C6: variants seen among roughly 807,000 people sequenced by gnomAD.
C6 encodes the protein complement C6, also known as complement component C6.
Under a neutral mutation model 112.9 loss-of-function variants are expected in C6, and 101 were observed. That is an observed-to-expected ratio of 0.89 (90% confidence interval 0.76 to 1.06). The LOEUF (loss-of-function observed/expected upper bound fraction) is 1.06, where lower values mean the gene tolerates loss of function less well. C6 is among the 50% of genes least tolerant of loss of function. The pLI, the probability that C6 is intolerant of heterozygous loss-of-function variation, is 0.00. For synonymous variants in C6, 431 were observed against 384.1 expected (o/e 1.12, Z -1.43); for missense variants, 1,202 against 1,104.6 (o/e 1.09, Z -1.25).
At position 41,155,083 on chromosome 5, in the gene C6, C is replaced by T. The variant is rs867226079; in HGVS notation, c.1990G>A (p.Val664Ile). ...CATGAAATTTCAACATCTTCTCCAA[C>T]CAAGTATAGTTGCTTTTCATTCTTA... is the stretch of plus-strand genomic sequence containing the variant. ...FIRNEKQLYL[V>I]GEDVEISCLT... is the part of the protein sequence containing the mutation. Residue 664 changes from valine (V) to isoleucine (I), a missense_variant, in exon 14 of 18, where the codon GTT becomes ATT. Transcript: ENST00000337836. 5.6e-6 allele frequency: 9 copies of T among 1,613,616 alleles called. No individual in the cohort carries two copies. The highest frequency in any genetic ancestry group is 7.6e-6 in the Non-Finnish European group (9 of 1,179,666).
chr5:41,179,814 A>G (rs1243641298), intron 7 of C6, among the ~76,000 whole-genome samples: 2 of 151,848 alleles, frequency 1.3e-5, no homozygotes, highest in East Asian at 3.9e-4. Context: ...GAATAAATAA[A>G]TGAATGAATA....
At chr5:41,217,160 A>G (rs1429400652), upstream of C6, among the ~76,000 whole-genome samples, 1 of 151,924 alleles carries the variant, frequency 6.6e-6, no homozygotes, top group Admixed American at 6.6e-5. Flanking sequence ...TCCTTCTTAA[A>G]TTTTTTCTAC....
At chr5:41,181,014 T>C (rs950362550) in intron 7 of C6, among the ~76,000 whole-genome samples, 2 of 151,912 alleles carry the variant, frequency 1.3e-5, no homozygotes, top group Non-Finnish European at 2.9e-5. Context: ...CAAATATGTA[T>C]ATAACATATA....
At chr5:41,196,783 G>T (rs1750652437) in intron 4 of C6, among the ~76,000 whole-genome samples, 2 of 152,018 alleles carry the variant, frequency 1.3e-5, no homozygotes, top group Admixed American at 6.6e-5. Flanking sequence ...AGCAAATTTA[G>T]AAAATGGTAC....
chr5:41,157,629 G>T (rs1747042978), intron 13 of C6, among the ~76,000 whole-genome samples: 1 of 152,130 alleles, frequency 6.6e-6, no homozygotes, highest in Non-Finnish European at 1.5e-5. Flanking sequence ...TCTTGTTCAA[G>T]AGAATTTGTT....
chr5:41,160,110 TATC>T, intron 11 of C6, 29 bp downstream of exon 11: 1 of 1,551,930 alleles, frequency 6.4e-7, no homozygotes, highest in Non-Finnish European at 8.9e-7. Context: ...GGGGAAAACT[TATC>T]TACCTCACAA....
intron 1 of C6, among the ~76,000 whole-genome samples, chr5:41,235,617 G>C (rs1478186482): frequency 1.5e-5 from 2 of 134,906 alleles, no homozygotes. Context: ...GGGTCAAATG[G>C]TATTTCTAGT....
At position 41,181,465 on chromosome 5, in the gene C6, T is replaced by C. The variant is rs199795699; in HGVS notation, c.821A>G (p.Gln274Arg). The C allele has an allele frequency of 6.6e-5, 107 of 1,612,820 alleles. No homozygotes were observed. The highest frequency in any genetic ancestry group is 6.6e-4 in the Middle Eastern group (4 of 6,056). Reference sequence around the variant, plus strand: ...TGGTACACTGAAAGAGCTCCCCCCCTGACTTGAGAATGAGCCTTGTTGATT... The same window carrying C: ...TGGTACACTGAAAGAGCTCCCCCCCCGACTTGAGAATGAGCCTTGTTGATT... Reference protein sequence around the residue: ...NENQQGSFSSQGGSSFSVPIF... With the variant: ...NENQQGSFSSRGGSSFSVPIF... Residue 274 changes from glutamine to arginine, a missense_variant, in exon 7 of 18, where the codon CAG becomes CGG. By Grantham distance (43) the Gln-to-Arg change is conservative. Transcript: ENST00000337836.
At chr5:41,168,485 C>T (rs950639304) in intron 9 of C6, among the ~76,000 whole-genome samples, 3 of 152,120 alleles carry the variant, frequency 2.0e-5, no homozygotes, top group Admixed American at 6.6e-5. Flanking sequence ...CCAGGGACAC[C>T]TTCTCTACTG....
intron 3 of C6, 24 bp from the exon 4 acceptor site, chr5:41,199,936 A>T (rs1750885570): frequency 1.2e-6 from 2 of 1,613,048 alleles, no homozygotes; most frequent in East Asian, 4.5e-5. Context: ...AGAGAAAGAT[A>T]TAACTCTGAG....
intron 13 of C6, 113 bp from the exon 14 acceptor site, chr5:41,155,217 A>C (rs1427830413): frequency 1.1e-6 from 1 of 951,996 alleles, no homozygotes; most frequent in African/African-American, 1.6e-5. Flanking sequence ...TCAGTCACCA[A>C]GTCCTCTCAA....
chr5:41,247,904 G>A (rs1011168589), intron 1 of C6, among the ~76,000 whole-genome samples: 1 of 151,892 alleles, frequency 6.6e-6, no homozygotes, highest in Non-Finnish European at 1.5e-5. Context: ...CAAAGCTGGA[G>A]GTATTATATT....
At chr5:41,254,965 G>C (rs1741593428) in intron 1 of C6, among the ~76,000 whole-genome samples, 2 of 152,202 alleles carry the variant, frequency 1.3e-5, no homozygotes, top group Admixed American at 1.3e-4. Flanking sequence ...TGAAGACCCA[G>C]AGTATAATGC....
chr5:41,165,112 C>A (rs1747867571), intron 9 of C6, among the ~76,000 whole-genome samples: 1 of 152,040 alleles, frequency 6.6e-6, no homozygotes, highest in African/African-American at 2.4e-5. Flanking sequence ...TGCCTGGTTT[C>A]TTTTGCTCAG....
At chr5:41,241,159 C>A (rs1740688524) in intron 1 of C6, among the ~76,000 whole-genome samples, 1 of 152,146 alleles carries the variant, frequency 6.6e-6, no homozygotes, top group Admixed American at 6.5e-5. Context: ...CCAGCAGCAG[C>A]AGGCTATCCT....
Position 41,142,780 on chromosome 5 carries a change from G to T in C6, c.*45C>A, listed in dbSNP as rs779956309. 1 of 1,472,460 alleles carries T rather than the reference G, an allele frequency of 6.8e-7. No individual in the cohort carries two copies. The highest frequency in any genetic ancestry group is 1.1e-5 in the South Asian group (1 of 88,298). The allele number at this position is 1,472,460 out of a possible 1,614,324, so 91.2% of individuals were successfully genotyped here. On this transcript the variant is annotated 3_prime_UTR_variant, in exon 18 of 18. Transcript: ENST00000337836. ...TCTCATTTGTAGGAGTTGGTTCTTC[G>T]GGATGGTAAATCTGTTCATTGTGCT... is the stretch of plus-strand genomic sequence containing the variant.
chr5:41,223,231 G>A (rs965501702), intron 1 of C6, among the ~76,000 whole-genome samples: 3 of 152,080 alleles, frequency 2.0e-5, no homozygotes, highest in Non-Finnish European at 2.9e-5. Flanking sequence ...AGGGGAGGCA[G>A]GAAACAAAGA....
chr5:41,199,863 C>A lies in C6; in HGVS notation c.350G>T (p.Cys117Phe). 1 of 1,613,606 alleles carries A rather than the reference C, an allele frequency of 6.2e-7. No individual in the cohort carries two copies. The highest frequency in any genetic ancestry group is 8.5e-7 in the Non-Finnish European group (1 of 1,179,598). ...LRPSQFGGQP[C>F]TAPLVAFQPC... Reference sequence around the variant, plus strand: ...TTGAAAGGCTACCAGAGGCGCAGTGCATGGCTGTCCCCCAAACTGACTGGG... The same window carrying A: ...TTGAAAGGCTACCAGAGGCGCAGTGAATGGCTGTCCCCCAAACTGACTGGG... The change falls in exon 4 of 18, where the codon TGC becomes TTC. Residue 117 changes from cysteine (C) to phenylalanine (F), a missense_variant. Cys to Phe is a radical substitution (Grantham distance 205). Transcript: ENST00000337836.
At chr5:41,154,218 C>T (rs1016602997) in intron 14 of C6, among the ~76,000 whole-genome samples, 1 of 152,188 alleles carries the variant, frequency 6.6e-6, no homozygotes, top group African/African-American at 2.4e-5. Context: ...CTGAGATTCC[C>T]TTGCTAAAGA....
Sources: allele counts gnomAD v4.1 joint callset (sites outside exome capture counted in the v4.1 genomes callset), GRCh38; gene constraint gnomAD v4.1.1; transcripts MANE v1.5; gene names NCBI Gene and HGNC (gene_info 2026-07-23, HGNC 2026-07-21).